Variants in DERL1 observed in about 807,000 individuals in gnomAD.
DERL1 encodes the protein derlin-1.
A neutral mutation model predicts 41.6 loss-of-function variants in DERL1; 24 were observed. That is an observed-to-expected ratio of 0.58 (90% CI 0.42 to 0.81). The LOEUF is 0.81. DERL1 is among the 30% of genes least tolerant of loss of function. The pLI, the probability that DERL1 is intolerant of heterozygous loss-of-function variation, is 0.00. For missense variants in DERL1, 260 were observed against 314.3 expected, an observed-to-expected ratio of 0.83 and a Z score of 1.31; for synonymous variants, 124 against 112.5, an observed-to-expected ratio of 1.10 and a Z score of -0.65.
At chr8:123,019,652 T>C (rs1024788338) in intron 6 of DERL1, among the ~76,000 whole-genome samples, 7 of 152,162 alleles carry the variant, frequency 4.6e-5, no homozygotes, top group African/African-American at 1.4e-4. Context: ...GTCATGAATA[T>C]TGTATTTATA....
rs537730738 is a variant in DERL1, at chr8:123,021,347, T to C, written c.506+100A>G. 231 of 1,134,770 alleles carry C rather than the reference T, an allele frequency of 2.0e-4. No individual in the cohort carries two copies. The East Asian group carries it at 3.1e-3, about 15-fold the overall frequency. The allele number at this position is 1,134,770 out of a possible 1,614,324, so 70.3% of individuals were successfully genotyped here. On this transcript the variant is annotated intron_variant, in intron 6 of 7. Transcript: ENST00000259512. ...AATATAGGGTTCTAATGCGTCAATG[T>C]TGAGATTCTTTAAAGTTGTATAAAG...
intron 1 of DERL1, among the ~76,000 whole-genome samples, chr8:123,037,938 T>A (rs1563636135): frequency 6.6e-6 from 1 of 152,238 alleles, no homozygotes; most frequent in South Asian, 2.1e-4. Flanking sequence ...CTTGTGTAGT[T>A]AATCAACGAT....
chr8:123,042,228 G>A lies in DERL1; in HGVS notation c.-106C>T. The A allele has an allele frequency of 7.3e-7, 1 of 1,363,114 alleles. No individual in the cohort carries two copies. The allele number at this position is 1,363,114 out of a possible 1,614,324, so 84.4% of individuals were successfully genotyped here. A position where few individuals can be genotyped will look rare whatever the true frequency, so the allele number is the denominator to read the frequency against. The stretch of plus-strand genomic sequence containing the variant: ...ACTGTTAGGTGTCTAGGTGGAAGCC[G>A]CCGAAGCCGCGATGCAGAAGGCGGA... On this transcript the variant is annotated 5_prime_UTR_variant, in exon 1 of 8. Coordinates refer to ENST00000259512, the MANE Select transcript of DERL1 (RefSeq NM_024295.6).
At chr8:123,025,805 A>G (rs12677755) in intron 2 of DERL1, 92,835 of 151,794 alleles carry the variant, frequency 0.61, 28,963 homozygotes, top group South Asian at 0.71. Context: ...TTACAGATGC[A>G]GAGTTAAAGT....
intron 7 of DERL1, chr8:123,016,391 A>G (rs10090419): frequency 0.17 from 25,423 of 152,234 alleles, 2,175 homozygotes; most frequent in Admixed American, 0.18. Flanking sequence ...GGCAGAGAGC[A>G]TGATCTGATA....
At chr8:123,041,544 C>A (rs1279344596) in intron 1 of DERL1, among the ~76,000 whole-genome samples, 1 of 152,168 alleles carries the variant, frequency 6.6e-6, no homozygotes, top group Non-Finnish European at 1.5e-5. Context: ...ACTCCATAAA[C>A]GTGAAAGGAA....
Position 123,015,570 on chromosome 8 carries a change from G to T in DERL1, c.633C>A (p.Pro211=), listed in dbSNP as rs766140391. ...STPQFLYRWL[P]SRRGGVSGFG... is the part of the protein sequence containing the mutation. ...ATCCTGATACTCCTCCTCTCCTACT[G>T]GGCAGCCAGCGGTACCTGGTGCAGA... The change falls in exon 8 of 8, where the codon CCC becomes CCA. Residue 211 remains proline (P), a synonymous_variant. Transcript: ENST00000259512. 3.1e-6 allele frequency: 5 copies of T among 1,609,848 alleles called. No individual in the cohort carries two copies. Among genetic ancestry groups the T allele is most frequent in the Non-Finnish European group, 4.2e-6 (5 of 1,178,168 alleles).
In DERL1 at chr8:123,042,042, C is replaced by A. The variant is rs751992286; in HGVS notation, c.81G>T (p.Leu27Phe). The A allele has an allele frequency of 2.5e-6, 4 of 1,613,826 alleles. No homozygotes were observed. Among genetic ancestry groups the A allele is most frequent in the African/African-American group, 1.3e-5 (1 of 74,936 alleles). Residue 27 changes from leucine to phenylalanine, a missense_variant, in exon 1 of 8, where the codon TTG becomes TTT. Physicochemically the swap from Leu to Phe is conservative, Grantham distance 22. Coordinates refer to ENST00000259512, the MANE Select transcript of DERL1 (RefSeq NM_024295.6). ...GGCTGATGAGGCCGAGTTTGCCGAC[C>A]AAGGGCACGGCGACGGTGGCGGCGA... is the stretch of plus-strand genomic sequence containing the variant. ...YWFAATVAVP[L>F]VGKLGLISPA...
intron 1 of DERL1, among the ~76,000 whole-genome samples, chr8:123,036,727 A>G (rs568222447): frequency 6.6e-6 from 1 of 152,212 alleles, no homozygotes; most frequent in Non-Finnish European, 1.5e-5. Context: ...AACACTTGCC[A>G]CTAGAGTTCT....
At chr8:123,036,878 T>C (rs1024692221) in intron 1 of DERL1, among the ~76,000 whole-genome samples, 9 of 152,180 alleles carry the variant, frequency 5.9e-5, no homozygotes, top group African/African-American at 1.4e-4. Flanking sequence ...TCAGGTTAAA[T>C]GTGATATATA....
chr8:123,039,337 A>G (rs1812996259), intron 1 of DERL1, among the ~76,000 whole-genome samples: 1 of 152,180 alleles, frequency 6.6e-6, no homozygotes. Context: ...TGCCCTCAAA[A>G]TAAAGTTCAA....
In DERL1 at chr8:123,013,769, T is replaced by C. The variant is rs779022776; in HGVS notation, c.*1678A>G. ...CTGTACAATGAGTGTACGTGCAACA[T>C]AATTGGAGTAATGGCCTCTAAAATT... is the stretch of plus-strand genomic sequence containing the variant. On this transcript the variant is annotated 3_prime_UTR_variant, in exon 8 of 8. Transcript: ENST00000259512. The C allele has an allele frequency of 3.3e-5, 5 of 152,156 alleles. No homozygotes were observed. The highest frequency in any genetic ancestry group is 5.9e-5 in the Non-Finnish European group (4 of 68,028). 9.4% of individuals were successfully genotyped at this position (152,156 alleles called of 1,614,324 possible).
At chr8:123,023,406 T>A (rs977290652) in intron 4 of DERL1, among the ~76,000 whole-genome samples, 8 of 151,890 alleles carry the variant, frequency 5.3e-5, no homozygotes, top group African/African-American at 1.5e-4. Context: ...AATACAAAAA[T>A]TAGCCGGGTG....
At chr8:123,022,027 CAAA>C (rs1812559679) in intron 5 of DERL1, among the ~76,000 whole-genome samples, 1 of 152,150 alleles carries the variant, frequency 6.6e-6, no homozygotes, top group Non-Finnish European at 1.5e-5. Context: ...AGCCCCTTAC[CAAA>C]TCCAAGACAT....
chr8:123,019,309 C>T lies in DERL1; in HGVS notation c.507-4G>A, dbSNP rs546867515. 91 of 1,587,528 alleles carry T rather than the reference C, an allele frequency of 5.7e-5. 2 individuals are homozygous for T. The South Asian group carries it at 9.5e-4, about 17-fold the overall frequency. ...TCCAATAAGCTCATTGATTACCCTG[C>T]AAAGAGAGCCAAATGAGTTTAAAGA... is the stretch of plus-strand genomic sequence containing the variant. On this transcript the variant is annotated splice_polypyrimidine_tract_variant and splice_region_variant and intron_variant, in intron 6 of 7. Transcript: ENST00000259512.
intron 1 of DERL1, among the ~76,000 whole-genome samples, chr8:123,034,758 A>T (rs1337211652): frequency 6.6e-6 from 1 of 152,318 alleles, no homozygotes; most frequent in South Asian, 2.1e-4. Context: ...TAAACCTACT[A>T]ATTAATTCTC....
intron 5 of DERL1, among the ~76,000 whole-genome samples, 180 bp downstream of exon 5, chr8:123,022,503 CA>C (rs1485386129): frequency 6.6e-6 from 1 of 152,154 alleles, no homozygotes; most frequent in East Asian, 1.9e-4. Context: ...CAAAGGCCAG[CA>C]ACGGACTCCA....
chr8:123,026,146 G>C (rs1363643412), intron 2 of DERL1, among the ~76,000 whole-genome samples: 1 of 151,994 alleles, frequency 6.6e-6, no homozygotes, highest in Non-Finnish European at 1.5e-5. Flanking sequence ...AAAGAAAATA[G>C]GTTTCCAGCA....
chr8:123,040,399 A>G (rs918351562), intron 1 of DERL1, among the ~76,000 whole-genome samples: 2 of 152,192 alleles, frequency 1.3e-5, no homozygotes, highest in Non-Finnish European at 2.9e-5. Context: ...CAGGCAGAGA[A>G]ACAACATGTG....
Sources: gnomAD v4.1 joint callset for allele counts (sites outside exome capture counted in the v4.1 genomes callset) on GRCh38, gnomAD v4.1.1 for gene constraint, MANE v1.5 for transcripts, NCBI Gene and HGNC (gene_info 2026-07-23, HGNC 2026-07-21) for gene names.